Variants in DDX42 observed in about 807,000 individuals in gnomAD.
DDX42 encodes ATP-dependent RNA helicase DDX42.
In DDX42, 22 loss-of-function variants were observed where a neutral mutation model predicts 101.5. The observed-to-expected ratio is 0.22, with a 90% CI of 0.15 to 0.31. The LOEUF is 0.31. DDX42 is among the 10% of genes least tolerant of loss of function. The pLI, the probability that DDX42 is intolerant of heterozygous loss-of-function variation, is 1.00. For synonymous variants in DDX42, 402 were observed against 401.2 expected (o/e 1.00, Z -0.02); for missense variants, 849 against 1,199.9 (o/e 0.71, Z 4.32).
intron 5 of DDX42, among the ~76,000 whole-genome samples, chr17:63,799,981 A>C (rs768536566): frequency 1.1e-4 from 17 of 152,298 alleles, no homozygotes; most frequent in South Asian, 2.1e-4. Context: ...TCTCTTAGTA[A>C]GTGTCCTGTT....
chr17:63,804,911 C>A, intron 6 of DDX42, 160 bp from the exon 7 acceptor site: 4 of 831,508 alleles, frequency 4.8e-6, no homozygotes, highest in African/African-American at 1.8e-5. Context: ...ACTAGCTATA[C>A]TTTTTAGGAT....
intron 2 of DDX42, among the ~76,000 whole-genome samples, chr17:63,789,004 G>A (rs986811376): frequency 7.9e-5 from 12 of 151,946 alleles, no homozygotes; most frequent in African/African-American, 2.9e-4. Context: ...AAGCAGTTAA[G>A]CAGTTCTCCC....
intron 15 of DDX42, among the ~76,000 whole-genome samples, chr17:63,813,945 TTC>T (rs2039943816): frequency 6.6e-6 from 1 of 152,024 alleles, no homozygotes; most frequent in Non-Finnish European, 1.5e-5. Context: ...GTTCAAGCAA[TTC>T]TCCTGCCTTA....
chr17:63,817,045 T>G, intron 17 of DDX42, 79 bp downstream of exon 17: 3 of 1,252,742 alleles, frequency 2.4e-6, no homozygotes, highest in Non-Finnish European at 3.4e-6. Context: ...TTTTCCTGGT[T>G]GTAGCTGGGC....
intron 9 of DDX42, among the ~76,000 whole-genome samples, chr17:63,808,340 A>AT (rs2039867765): frequency 6.6e-6 from 1 of 151,974 alleles, no homozygotes; most frequent in Admixed American, 6.5e-5. Context: ...CACCTGGCTA[A>AT]TTTTTTTATT....
At chr17:63,776,761 C>T (rs2039426424) in intron 1 of DDX42, among the ~76,000 whole-genome samples, 2 of 151,608 alleles carry the variant, frequency 1.3e-5, no homozygotes, top group African/African-American at 4.9e-5. Flanking sequence ...CCACCACACA[C>T]AGCCTCTTAC....
At chr17:63,806,416 G>A in intron 7 of DDX42, 119 bp from the exon 8 acceptor site, 1 of 1,161,646 alleles carries the variant, frequency 8.6e-7, no homozygotes. Context: ...TTGGCTTACA[G>A]ACTTGTATTT....
intron 7 of DDX42, chr17:63,806,069 A>C (rs1467023111): frequency 6.5e-6 from 1 of 153,130 alleles, no homozygotes; most frequent in Non-Finnish European, 1.5e-5. Context: ...ATAACTGAAA[A>C]TGGAGGCAGT....
chr17:63,813,294 C>T lies in DDX42; in HGVS notation c.1742C>T (p.Thr581Ile). ...INYDVARDID[T>I]HTHRIGRTGR... is the part of the protein sequence containing the mutation. The stretch of plus-strand genomic sequence containing the variant: ...TATGATGTGGCACGAGACATTGATA[C>T]CCACACGCATAGGATTGGCCGCACA... Residue 581 changes from threonine (T) to isoleucine (I), a missense_variant, in exon 15 of 18, where the codon ACC becomes ATC. This residue lies in a region of DDX42 where 1 missense variants were observed against 18.7 expected (regional missense o/e 0.05). Coordinates refer to ENST00000389924, the MANE Select transcript of DDX42 (RefSeq NM_203499.3). 6.2e-7 allele frequency: 1 copy of T among 1,614,020 alleles called. No individual in the cohort carries two copies. Among genetic ancestry groups the T allele is most frequent in the Non-Finnish European group, 8.5e-7 (1 of 1,179,922 alleles).
chr17:63,810,609 C>G (rs1455945870), intron 12 of DDX42, 49 bp downstream of exon 12: 1 of 1,558,016 alleles, frequency 6.4e-7, no homozygotes, highest in Admixed American at 1.7e-5. Flanking sequence ...AAAAAGGGCA[C>G]TTATTTATTT....
chr17:63,795,290 C>T (rs946234490), intron 3 of DDX42, among the ~76,000 whole-genome samples: 6 of 152,208 alleles, frequency 3.9e-5, no homozygotes, highest in African/African-American at 1.4e-4. Flanking sequence ...TTACATCAAT[C>T]CCTGTTTTCT....
chr17:63,796,581 G>T (rs963014040), intron 3 of DDX42, among the ~76,000 whole-genome samples: 1 of 152,234 alleles, frequency 6.6e-6, no homozygotes, highest in Admixed American at 6.5e-5. Flanking sequence ...CTCCCAAGGT[G>T]CTGGGATTAC....
At chr17:63,808,708 C>T (rs1197803458) in intron 9 of DDX42, 112 bp from the exon 10 acceptor site, 6 of 1,315,450 alleles carry the variant, frequency 4.6e-6, no homozygotes, top group Non-Finnish European at 6.4e-6. Flanking sequence ...AAAGTATGTT[C>T]TAGGTTTCGA....
At chr17:63,813,558 CT>C (rs2039938619) in intron 15 of DDX42, 104 bp downstream of exon 15, 2 of 1,033,508 alleles carry the variant, frequency 1.9e-6, no homozygotes, top group Admixed American at 4.8e-5. Flanking sequence ...AGTTGGGTGG[CT>C]AGGAGGATGT....
At chr17:63,797,201 A>G (rs1247273176) in intron 3 of DDX42, among the ~76,000 whole-genome samples, 2 of 152,064 alleles carry the variant, frequency 1.3e-5, no homozygotes, top group Non-Finnish European at 2.9e-5. Flanking sequence ...AAAATACAAA[A>G]TTAGCTGGAT....
chr17:63,812,258 C>A (rs1319046387), intron 14 of DDX42, 50 bp downstream of exon 14: 1 of 1,571,972 alleles, frequency 6.4e-7, no homozygotes, highest in African/African-American at 1.4e-5. Flanking sequence ...TATAAGGGTA[C>A]TCTGTCTTAC....
At chr17:63,808,977 C>A (rs765615293) in intron 10 of DDX42, 29 bp downstream of exon 10, 2 of 1,605,668 alleles carry the variant, frequency 1.2e-6, no homozygotes, top group African/African-American at 2.7e-5. Flanking sequence ...TAAATGGCTT[C>A]TCAGCCTCCC....
chr17:63,781,006 C>G (rs1214781227), intron 1 of DDX42, among the ~76,000 whole-genome samples: 2 of 152,036 alleles, frequency 1.3e-5, no homozygotes, highest in African/African-American at 4.8e-5. Flanking sequence ...GCCTATGTTT[C>G]TTTAAAAAAT....
intron 2 of DDX42, among the ~76,000 whole-genome samples, chr17:63,789,478 T>C (rs2039592678): frequency 6.6e-6 from 1 of 151,058 alleles, no homozygotes; most frequent in Non-Finnish European, 1.5e-5. Context: ...CCTCCCAAAG[T>C]GCTGGGATTA....
Sources: gnomAD v4.1 joint callset for allele counts (sites outside exome capture counted in the v4.1 genomes callset) on GRCh38, gnomAD v4.1.1 for gene constraint, gnomAD v4.1.1 regional missense constraint, MANE v1.5 for transcripts, NCBI Gene and HGNC (gene_info 2026-07-23, HGNC 2026-07-21) for gene names.